DPP6: variants seen among roughly 807,000 people sequenced by gnomAD.
The protein encoded by DPP6 is A-type potassium channel modulatory protein DPP6.
In DPP6, 69 loss-of-function variants were observed where a neutral mutation model predicts 122.6. The ratio of observed to expected loss-of-function variants is 0.56; its 90% CI spans 0.46 to 0.69. DPP6 has a LOEUF of 0.69. Ranked by LOEUF, DPP6 falls within the 30% of genes least tolerant of loss-of-function variation. The pLI, the probability that DPP6 is intolerant of heterozygous loss-of-function variation, is 0.00. For synonymous variants in DPP6, 418 were observed against 433.1 expected (o/e 0.97, Z 0.43); for missense variants, 928 against 1,116.9 (o/e 0.83, Z 2.41).
chr7:154,012,265 C>A (rs920094849), intron 1 of DPP6, among the ~76,000 whole-genome samples: 3 of 152,110 alleles, frequency 2.0e-5, no homozygotes, highest in African/African-American at 4.8e-5. Flanking sequence ...GATCAAAGAT[C>A]TAAATTAAAA....
At chr7:154,800,230 G>A (rs766975155) in intron 12 of DPP6, among the ~76,000 whole-genome samples, 31 of 152,128 alleles carry the variant, frequency 2.0e-4, no homozygotes, top group Non-Finnish European at 4.1e-4. Context: ...CCATTTTATT[G>A]CAAATATTCA....
intron 1 of DPP6, among the ~76,000 whole-genome samples, chr7:154,406,653 G>T (rs759315937): frequency 1.4e-4 from 22 of 152,092 alleles, no homozygotes; most frequent in Non-Finnish European, 3.1e-4. Flanking sequence ...TAGGTCAATG[G>T]TTCTCAAAGT....
chr7:154,092,690 G>A (rs1367186582), intron 1 of DPP6: 1 of 152,130 alleles, frequency 6.6e-6, no homozygotes, highest in Non-Finnish European at 1.5e-5. Flanking sequence ...GTTTAAGGTG[G>A]CATCTGTAAG....
chr7:154,621,808 T>C (rs371201943), intron 5 of DPP6, among the ~76,000 whole-genome samples: 2 of 152,072 alleles, frequency 1.3e-5, no homozygotes, highest in Non-Finnish European at 1.5e-5. Context: ...CCTGCCCACC[T>C]CAAGTCAGGT....
intron 6 of DPP6, among the ~76,000 whole-genome samples, chr7:154,648,632 G>A (rs10901043): frequency 0.26 from 39,019 of 151,934 alleles, 5,113 homozygotes; most frequent in Non-Finnish European, 0.27. Context: ...TAAAAATCAC[G>A]CTTTCGGCCG....
At chr7:154,603,975 A>G (rs1429810017) in intron 5 of DPP6, among the ~76,000 whole-genome samples, 3 of 120,586 alleles carry the variant, frequency 2.5e-5, no homozygotes, top group African/African-American at 7.9e-5. Flanking sequence ...TCACTGCAAA[A>G]CTTCATGGAA....
At chr7:154,577,481 C>T (rs1291771710) in intron 5 of DPP6, among the ~76,000 whole-genome samples, 3 of 152,230 alleles carry the variant, frequency 2.0e-5, no homozygotes, top group African/African-American at 7.2e-5. Flanking sequence ...CCTCCAAAGC[C>T]GTGTGGGGTG....
chr7:154,318,138 T>G (rs2151012352), intron 1 of DPP6, among the ~76,000 whole-genome samples: 1 of 152,348 alleles, frequency 6.6e-6, no homozygotes, highest in East Asian at 1.9e-4. Flanking sequence ...AAAAATAAAA[T>G]TTTGTATAAG....
chr7:153,884,654 T>G (rs183061812), upstream of DPP6, among the ~76,000 whole-genome samples: 207 of 152,184 alleles, frequency 1.4e-3, 1 homozygote, highest in African/African-American at 4.5e-3. Context: ...AGGGATAATT[T>G]GAAGGAAACT....
chr7:153,772,654 T>C, the DPP6 span, among the ~76,000 whole-genome samples: 1 of 151,496 alleles, frequency 6.6e-6, no homozygotes, highest in Non-Finnish European at 1.5e-5. Context: ...GGTTTATACA[T>C]ACAAATTAAA....
chr7:154,787,179 T>C (rs1004106055), intron 10 of DPP6, among the ~76,000 whole-genome samples: 1 of 152,234 alleles, frequency 6.6e-6, no homozygotes, highest in African/African-American at 2.4e-5. Flanking sequence ...GTTTAAAAAG[T>C]AACCTATGCA....
At chr7:154,803,691 T>A (rs992510452) in intron 13 of DPP6, among the ~76,000 whole-genome samples, 173 bp from the exon 14 acceptor site, 3 of 152,116 alleles carry the variant, frequency 2.0e-5, no homozygotes, top group African/African-American at 7.2e-5. Flanking sequence ...TTGGGAAGCC[T>A]CAAGGAGGAT....
At chr7:154,247,452 A>G (rs547140846) in intron 1 of DPP6, among the ~76,000 whole-genome samples, 31 of 152,358 alleles carry the variant, frequency 2.0e-4, no homozygotes, top group Admixed American at 1.1e-3. Context: ...TTGAACAGGC[A>G]CTTTACCAAA....
chr7:154,060,867 A>T (rs1195397510), intron 1 of DPP6, among the ~76,000 whole-genome samples: 1 of 105,358 alleles, frequency 9.5e-6, no homozygotes, highest in Non-Finnish European at 1.9e-5. Flanking sequence ...CTTAGGACCC[A>T]CATCACAGAG....
chr7:154,883,696 ACG>A (rs1805711402), intron 21 of DPP6: 1 of 148,054 alleles, frequency 6.8e-6, no homozygotes, highest in African/African-American at 2.6e-5. Context: ...TCACACACAC[ACG>A]TGCTCACAAA....
intron 16 of DPP6, among the ~76,000 whole-genome samples, chr7:154,820,790 A>G (rs1799711584): frequency 6.6e-6 from 1 of 152,224 alleles, no homozygotes. Flanking sequence ...TGATGGAAAA[A>G]AACTTTCCCC....
At chr7:154,869,461 C>T (rs1380833131) in intron 18 of DPP6, among the ~76,000 whole-genome samples, 4 of 152,248 alleles carry the variant, frequency 2.6e-5, no homozygotes, top group East Asian at 1.9e-4. Flanking sequence ...GGAATGCTCA[C>T]GGAACGTGGG....
the DPP6 span, among the ~76,000 whole-genome samples, chr7:153,841,860 T>G: frequency 3.9e-5 from 6 of 152,328 alleles, no homozygotes; most frequent in East Asian, 1.2e-3. Flanking sequence ...TGACATGGTG[T>G]TGTTTCTTTC....
chr7:153,945,181 A>C (rs1246410742), intron 1 of DPP6, among the ~76,000 whole-genome samples: 1 of 152,086 alleles, frequency 6.6e-6, no homozygotes, highest in Non-Finnish European at 1.5e-5. Flanking sequence ...GTTCTTTTAG[A>C]ATGCTGCCTG....
Sources: allele counts gnomAD v4.1 joint callset (sites outside exome capture counted in the v4.1 genomes callset), GRCh38; gene constraint gnomAD v4.1.1; transcripts MANE v1.5; gene names NCBI Gene and HGNC (gene_info 2026-07-23, HGNC 2026-07-21).